Variants in GRIA1 observed in about 807,000 individuals in gnomAD.
GRIA1 encodes the protein glutamate receptor 1.
GRIA1 carries 31 observed loss-of-function variants against 99.2 expected under a neutral mutation model. The observed-to-expected ratio is 0.31, with a 90% CI of 0.23 to 0.42. The LOEUF (loss-of-function observed/expected upper bound fraction) is 0.42, where lower values mean the gene tolerates loss of function less well. Among genes scored for constraint, GRIA1 ranks in the 10% least tolerant of loss-of-function variants. The probability of loss-of-function intolerance (pLI) is 1.00; values close to 1 mark genes in which losing one functional copy is unlikely to be tolerated. For synonymous variants in GRIA1, 438 were observed against 432.4 expected, an observed-to-expected ratio of 1.01 and a Z score of -0.16; for missense variants, 782 against 1,157.5, an observed-to-expected ratio of 0.68 and a Z score of 4.71.
intron 2 of GRIA1, among the ~76,000 whole-genome samples, chr5:153,600,763 T>C (rs1764881548): frequency 6.6e-6 from 1 of 152,226 alleles, no homozygotes; most frequent in Non-Finnish European, 1.5e-5. Flanking sequence ...CAGAGTTTCC[T>C]TATGTCTCAC....
intron 11 of GRIA1, among the ~76,000 whole-genome samples, chr5:153,730,660 G>A (rs913385706): frequency 5.3e-5 from 8 of 152,200 alleles, no homozygotes; most frequent in African/African-American, 1.9e-4. Context: ...AAAGAATGGT[G>A]GACTGAAAAT....
chr5:153,722,676 C>T (rs1760162270), intron 11 of GRIA1, among the ~76,000 whole-genome samples: 2 of 152,170 alleles, frequency 1.3e-5, no homozygotes, highest in South Asian at 4.1e-4. Flanking sequence ...TCTGTCTTTG[C>T]CAGGGTATTA....
At chr5:153,809,133 C>A (rs767045286) in intron 15 of GRIA1, among the ~76,000 whole-genome samples, 4 of 152,280 alleles carry the variant, frequency 2.6e-5, no homozygotes, top group Non-Finnish European at 4.4e-5. Context: ...ACATTCCAAG[C>A]TAATCTATAG....
chr5:153,777,742 G>T (rs1764354416), intron 13 of GRIA1, among the ~76,000 whole-genome samples: 1 of 151,878 alleles, frequency 6.6e-6, no homozygotes, highest in Non-Finnish European at 1.5e-5. Flanking sequence ...AACAATTTGT[G>T]GTCCTCCCCC....
At chr5:153,646,558 C>T (rs1259265307) in intron 2 of GRIA1, among the ~76,000 whole-genome samples, 1 of 152,176 alleles carries the variant, frequency 6.6e-6, no homozygotes, top group African/African-American at 2.4e-5. Flanking sequence ...TCAATAGGGT[C>T]ATTGTAGAGA....
chr5:153,584,801 T>C (rs1294101543), intron 2 of GRIA1, among the ~76,000 whole-genome samples: 7 of 152,194 alleles, frequency 4.6e-5, no homozygotes, highest in Non-Finnish European at 7.3e-5. Flanking sequence ...TTGAGAATAT[T>C]AGCTGTTAGG....
chr5:153,517,970 G>T (rs1017119472), intron 2 of GRIA1, among the ~76,000 whole-genome samples: 1 of 152,152 alleles, frequency 6.6e-6, no homozygotes, highest in Non-Finnish European at 1.5e-5. Flanking sequence ...CATGTAACTG[G>T]ATTTCAGCCT....
At chr5:153,800,771 G>C (rs1765960042) in intron 14 of GRIA1, among the ~76,000 whole-genome samples, 1 of 152,224 alleles carries the variant, frequency 6.6e-6, no homozygotes, top group South Asian at 2.1e-4. Flanking sequence ...CTAGGGCAGA[G>C]GCCACTGACT....
chr5:153,774,476 C>T (rs1247831418), intron 13 of GRIA1, among the ~76,000 whole-genome samples: 2 of 152,180 alleles, frequency 1.3e-5, no homozygotes, highest in Non-Finnish European at 2.9e-5. Context: ...AAAAAAAGTG[C>T]TTGAGTTTGT....
intron 2 of GRIA1, among the ~76,000 whole-genome samples, chr5:153,593,528 A>T (rs1482995726): frequency 2.0e-5 from 3 of 152,176 alleles, no homozygotes; most frequent in Non-Finnish European, 4.4e-5. Flanking sequence ...GCCAAATAGC[A>T]CACTCTTAAA....
intron 7 of GRIA1, among the ~76,000 whole-genome samples, chr5:153,682,203 A>G (rs1431566017): frequency 2.5e-4 from 38 of 152,100 alleles, no homozygotes; most frequent in Admixed American, 2.5e-3. Context: ...CCCAGCAAGG[A>G]CCTAGTCTAC....
intron 5 of GRIA1, among the ~76,000 whole-genome samples, chr5:153,669,456 G>A (rs1252690991): frequency 6.6e-6 from 1 of 152,102 alleles, no homozygotes; most frequent in African/African-American, 2.4e-5. Flanking sequence ...AAAAAATTAA[G>A]CAGGGCTCTC....
At chr5:153,769,667 A>T (rs753681743) in intron 12 of GRIA1, among the ~76,000 whole-genome samples, 1 of 151,622 alleles carries the variant, frequency 6.6e-6, no homozygotes, top group Non-Finnish European at 1.5e-5. Flanking sequence ...GTTTTTTGCC[A>T]TCAAAAGTAA....
chr5:153,576,188 T>C (rs1213033216), intron 2 of GRIA1, among the ~76,000 whole-genome samples: 1 of 152,126 alleles, frequency 6.6e-6, no homozygotes, highest in Non-Finnish European at 1.5e-5. Context: ...TTGAACTAAA[T>C]GAGAAAAACT....
chr5:153,777,904 C>G (rs1764366328), intron 13 of GRIA1, among the ~76,000 whole-genome samples: 2 of 152,136 alleles, frequency 1.3e-5, no homozygotes. Context: ...AATGACAGTC[C>G]CTTTCAATTA....
intron 2 of GRIA1, among the ~76,000 whole-genome samples, chr5:153,509,712 A>G (rs1369660975): frequency 1.3e-5 from 2 of 152,188 alleles, no homozygotes; most frequent in Admixed American, 1.3e-4. Context: ...CTTGGTTTTT[A>G]TTTATAAAGT....
intron 14 of GRIA1, among the ~76,000 whole-genome samples, chr5:153,796,447 T>C (rs372990213): frequency 1.3e-5 from 2 of 152,276 alleles, no homozygotes; most frequent in Admixed American, 6.5e-5. Context: ...TAAATAACTA[T>C]AATGACAACA....
chr5:153,560,258 G>A (rs1186928109), intron 2 of GRIA1, among the ~76,000 whole-genome samples: 2 of 152,108 alleles, frequency 1.3e-5, no homozygotes, highest in African/African-American at 4.8e-5. Flanking sequence ...GCTTTTTATA[G>A]AATATTAATG....
chr5:153,741,046 T>C (rs1761749671), intron 11 of GRIA1, among the ~76,000 whole-genome samples: 1 of 145,420 alleles, frequency 6.9e-6, no homozygotes, highest in Non-Finnish European at 1.5e-5. Context: ...GCACAATCTC[T>C]TCTCACTGCA....
Sources: gnomAD v4.1 joint callset for allele counts (sites outside exome capture counted in the v4.1 genomes callset) on GRCh38, gnomAD v4.1.1 for gene constraint, MANE v1.5 for transcripts, NCBI Gene and HGNC (gene_info 2026-07-23, HGNC 2026-07-21) for gene names.